ADCY4: variants seen among roughly 807,000 people sequenced by gnomAD.
ADCY4 encodes adenylate cyclase type 4.
ADCY4 carries 111 observed loss-of-function variants against 125.5 expected under a neutral mutation model. The observed-to-expected ratio is 0.88, with a 90% CI of 0.76 to 1.04. The LOEUF (loss-of-function observed/expected upper bound fraction) is 1.04, where lower values mean the gene tolerates loss of function less well. Ranked by LOEUF, ADCY4 falls within the 50% of genes least tolerant of loss-of-function variation. The probability of loss-of-function intolerance (pLI) is 0.00; values close to 1 mark genes in which losing one functional copy is unlikely to be tolerated. For missense variants in ADCY4, 1,256 were observed against 1,382.9 expected (o/e 0.91, Z 1.46); for synonymous variants, 576 against 586.9 (o/e 0.98, Z 0.27).
chr14:24,318,932 GA>G, intron 23 of ADCY4, 154 bp from the exon 24 acceptor site: 1 of 1,398,206 alleles, frequency 7.2e-7, no homozygotes, highest in Non-Finnish European at 9.8e-7. Flanking sequence ...AAAAGAGTGG[GA>G]GAGCCTCGTA....
intron 1 of ADCY4, among the ~76,000 whole-genome samples, chr14:24,333,378 G>A (rs552043196): frequency 2.0e-5 from 3 of 150,200 alleles, no homozygotes; most frequent in Admixed American, 2.0e-4. Flanking sequence ...CCGCCACCAC[G>A]CCCAGCTAAT....
At chr14:24,321,846 G>A in intron 20 of ADCY4, 10 of 1,315,608 alleles carry the variant, frequency 7.6e-6, no homozygotes, top group Non-Finnish European at 9.7e-6. Context: ...ATGGTCATGA[G>A]TTAGAGAAGA....
chr14:24,323,479 G>A lies in ADCY4; in HGVS notation c.2047-25C>T, dbSNP rs371930339. 2.6e-6 allele frequency: 4 copies of A among 1,550,962 alleles called. No individual in the cohort carries two copies. The African/African-American group carries it at 5.5e-5, about 21-fold the overall frequency. On this transcript the variant is annotated intron_variant, in intron 16 of 24. Transcript: ENST00000418030. ...ACTGCAGAGGAGATGAGGAGTTGAA[G>A]AGGCAGGTAGCTTCTTGGGCACAGT... is the stretch of plus-strand genomic sequence containing the variant.
At position 24,323,326 on chromosome 14, in the gene ADCY4, G is replaced by T; in HGVS notation, c.2157+18C>A. ...AAGGGTGTGCAGAAGGAGATTAAGGGCATGTGGGAACACTCACTGGGACAC... is the reference window on the plus strand; with the variant it reads ...AAGGGTGTGCAGAAGGAGATTAAGGTCATGTGGGAACACTCACTGGGACAC... On this transcript the variant is annotated intron_variant, in intron 17 of 24. Coordinates refer to ENST00000418030, the MANE Select transcript of ADCY4 (RefSeq NM_001198568.2). The T allele has an allele frequency of 6.5e-7, 1 of 1,537,762 alleles. No homozygotes were observed. Among genetic ancestry groups the T allele is most frequent in the Non-Finnish European group, 8.8e-7 (1 of 1,133,974 alleles).
At position 24,334,547 on chromosome 14, in the gene ADCY4, T is replaced by A; in HGVS notation, c.106A>T (p.Ile36Phe). ...QYPLLLLLLG[I>F]VLCALAALLA... ...AGCGCCGCGAGCGCACAGAGCACGATCCCCAGCAGCAGCAGCAGCAGCGGG... is the reference window on the plus strand; with the variant it reads ...AGCGCCGCGAGCGCACAGAGCACGAACCCCAGCAGCAGCAGCAGCAGCGGG... The change falls in exon 1 of 25, where the codon ATC becomes TTC. Residue 36 changes from isoleucine (I) to phenylalanine (F), a missense_variant. Ile to Phe is a conservative substitution (Grantham distance 21). Transcript: ENST00000418030. The A allele has an allele frequency of 6.3e-7, 1 of 1,584,574 alleles. No homozygotes were observed. Among genetic ancestry groups the A allele is most frequent in the South Asian group, 1.1e-5 (1 of 87,864 alleles).
chr14:24,324,487 G>C, intron 14 of ADCY4, 96 bp from the exon 15 acceptor site: 1 of 1,399,262 alleles, frequency 7.1e-7, no homozygotes, highest in African/African-American at 1.4e-5. Flanking sequence ...TAGGGGAAGT[G>C]GTTCTGGGGA....
chr14:24,332,458 A>G, intron 3 of ADCY4, 64 bp downstream of exon 3: 1 of 1,512,104 alleles, frequency 6.6e-7, no homozygotes, highest in Non-Finnish European at 8.9e-7. Flanking sequence ...CAACCCCCTA[A>G]AAGGAGCCTA....
At position 24,322,092 on chromosome 14, in the gene ADCY4, A is replaced by C; in HGVS notation, c.2560T>G (p.Phe854Val). 3 of 1,613,790 alleles carry C rather than the reference A, an allele frequency of 1.9e-6. No homozygotes were observed. Among genetic ancestry groups the C allele is most frequent in the African/African-American group, 1.3e-5 (1 of 75,012 alleles). Residue 854 changes from phenylalanine (F) to valine (V), a missense_variant, in exon 20 of 25, where the codon TTC becomes GTC. Coordinates refer to ENST00000418030, the MANE Select transcript of ADCY4 (RefSeq NM_001198568.2). Reference sequence around the variant, plus strand: ...TCGTTGCGCCGGTTCTGGCCAATGAACTGGGGGGCCACGTGTGCAGGGAGC... The same window carrying C: ...TCGTTGCGCCGGTTCTGGCCAATGACCTGGGGGGCCACGTGTGCAGGGAGC... ...NVLPAHVAPQFIGQNRRNEDL... is the reference protein window; with the variant it reads ...NVLPAHVAPQVIGQNRRNEDL...
At chr14:24,332,744 A>G (rs2042063256) in intron 2 of ADCY4, 47 bp downstream of exon 2, 9 of 1,540,758 alleles carry the variant, frequency 5.8e-6, no homozygotes, top group Non-Finnish European at 7.9e-6. Flanking sequence ...CTGGTGAGGG[A>G]TCGAAGCCCG....
intron 10 of ADCY4, among the ~76,000 whole-genome samples, chr14:24,327,669 G>T (rs2041969916): frequency 6.6e-6 from 1 of 152,196 alleles, no homozygotes; most frequent in East Asian, 1.9e-4. Flanking sequence ...GTTAAACAGA[G>T]ACATTTCCTG....
Position 24,323,382 on chromosome 14 carries a change from A to G in ADCY4, c.2119T>C (p.Trp707Arg), listed in dbSNP as rs771735868. 8.6e-5 allele frequency: 134 copies of G among 1,557,360 alleles called. No homozygotes were observed. The Admixed American group carries it at 2.6e-3, about 30-fold the overall frequency. ...NVSSMISNLS[W>R]ELPGSLPLIS... Reference sequence around the variant, plus strand: ...AGAGGCAGAGACCCAGGGAGCTCCCAGGAGAGGTTGGAAATCATGGAGGAC... The same window carrying G: ...AGAGGCAGAGACCCAGGGAGCTCCCGGGAGAGGTTGGAAATCATGGAGGAC... The change falls in exon 17 of 25, where the codon TGG becomes CGG. Residue 707 changes from tryptophan (W) to arginine (R), a missense_variant. Trp to Arg is a moderately radical substitution (Grantham distance 101). Coordinates refer to ENST00000418030, the MANE Select transcript of ADCY4 (RefSeq NM_001198568.2).
chr14:24,324,961 C>G (rs751802014), intron 14 of ADCY4, among the ~76,000 whole-genome samples: 1 of 152,170 alleles, frequency 6.6e-6, no homozygotes, highest in Non-Finnish European at 1.5e-5. Flanking sequence ...GCCTCAGCCT[C>G]CCAGAGTGCT....
At position 24,323,447 on chromosome 14, in the gene ADCY4, A is replaced by G. The variant is rs750896863; in HGVS notation, c.2054T>C (p.Phe685Ser). The G allele has an allele frequency of 1.9e-6, 3 of 1,552,984 alleles. No individual in the cohort carries two copies. Among genetic ancestry groups the G allele is most frequent in the Non-Finnish European group, 2.6e-6 (3 of 1,147,530 alleles). The change falls in exon 17 of 25, where the codon TTC becomes TCC. Residue 685 changes from phenylalanine (F) to serine (S), a missense_variant. Physicochemically the swap from Phe to Ser is radical, Grantham distance 155. Coordinates refer to ENST00000418030, the MANE Select transcript of ADCY4 (RefSeq NM_001198568.2). ...GAAAGGGCAGTCTGATGATGTTGGG[A>G]AGAAGAACTGCAGAGGAGATGAGGA... ...FAMAITSLFF[F>S]PTSSDCPFQA... is the part of the protein sequence containing the mutation.
rs1460946398 is a variant in ADCY4, at chr14:24,322,096, G to A, written c.2556C>T (p.Pro852=). 6.2e-7 allele frequency: 1 copy of A among 1,613,768 alleles called. No homozygotes were observed. Among genetic ancestry groups the A allele is most frequent in the Admixed American group, 1.7e-5 (1 of 59,986 alleles). The change falls in exon 20 of 25, where the codon CCC becomes CCT. Residue 852 remains proline, a synonymous_variant. Coordinates refer to ENST00000418030, the MANE Select transcript of ADCY4 (RefSeq NM_001198568.2). ...TGCGCCGGTTCTGGCCAATGAACTG[G>A]GGGGCCACGTGTGCAGGGAGCACGT... ...LENVLPAHVA[P]QFIGQNRRNE...
intron 16 of ADCY4, 49 bp from the exon 17 acceptor site, chr14:24,323,503 G>T: frequency 6.5e-7 from 1 of 1,547,018 alleles, no homozygotes; most frequent in South Asian, 1.2e-5. Context: ...CTTGGGCACA[G>T]TGGTGGCTTG....
At position 24,323,443 on chromosome 14, in the gene ADCY4, TGG is replaced by T. The variant is rs1424792537; in HGVS notation, c.2056_2057del (p.Pro686AsnfsTer125). 1 of 1,553,476 alleles carries T rather than the reference TGG, an allele frequency of 6.4e-7. No individual in the cohort carries two copies. Among genetic ancestry groups the T allele is most frequent in the Non-Finnish European group, 8.7e-7 (1 of 1,147,754 alleles). ...AMAITSLFFF[P>X]TSSDCPFQAP... Reference sequence around the variant, plus strand: ...CTTGGAAAGGGCAGTCTGATGATGTTGGGAAGAAGAACTGCAGAGGAGATGAG... The same window carrying T: ...CTTGGAAAGGGCAGTCTGATGATGTTGAAGAAGAACTGCAGAGGAGATGAG... On this transcript the variant is annotated frameshift_variant, in exon 17 of 25. Transcript: ENST00000418030. LOFTEE classifies it high-confidence loss of function.
chr14:24,329,616 G>T, intron 8 of ADCY4, 83 bp from the exon 9 acceptor site: 1 of 1,483,448 alleles, frequency 6.7e-7, no homozygotes. Flanking sequence ...ATGGCTCCTA[G>T]AACTGACAAA....
chr14:24,325,428 G>T lies in ADCY4; in HGVS notation c.1772C>A (p.Thr591Asn). The T allele has an allele frequency of 1.9e-6, 3 of 1,613,784 alleles. No individual in the cohort carries two copies. Among genetic ancestry groups the T allele is most frequent in the Non-Finnish European group, 2.5e-6 (3 of 1,179,982 alleles). ...IPAFKYYEAC[T>N]FLVFLSNFII... The stretch of plus-strand genomic sequence containing the variant: ...GAAGTTGGAGAGAAAAACCAGGAAG[G>T]TGCAGGCTTCATAGTATTTGAAGGC... Residue 591 changes from threonine (T) to asparagine (N), a missense_variant, in exon 14 of 25, where the codon ACC (threonine) becomes AAC (asparagine). Thr to Asn is a moderately conservative substitution (Grantham distance 65, BLOSUM62 0). Transcript: ENST00000418030.
intron 13 of ADCY4, 30 bp downstream of exon 13, chr14:24,325,788 T>C (rs754137059): frequency 1.3e-6 from 2 of 1,577,272 alleles, no homozygotes; most frequent in African/African-American, 2.7e-5. Flanking sequence ...AGTTGGGAAG[T>C]TGTTTGGTGC....
Sources: gnomAD v4.1 joint callset for allele counts (sites outside exome capture counted in the v4.1 genomes callset) on GRCh38, gnomAD v4.1.1 for gene constraint, MANE v1.5 for transcripts, NCBI Gene and HGNC (gene_info 2026-07-23, HGNC 2026-07-21) for gene names.